The following NKAIN3 variants were observed in gnomAD, a reference collection of about 807,000 sequenced individuals.
The protein encoded by NKAIN3 is sodium/potassium transporting ATPase interacting 3, also known as sodium/potassium-transporting ATPase subunit beta-1-interacting protein 3.
NKAIN3 carries 25 observed loss-of-function variants against 30.2 expected under a neutral mutation model. The ratio of observed to expected loss-of-function variants is 0.83; its 90% CI spans 0.60 to 1.16. NKAIN3 has a LOEUF of 1.16. Ranked by LOEUF, NKAIN3 falls within the 50% of genes most tolerant of loss-of-function variation. The probability of loss-of-function intolerance (pLI) is 0.00; values close to 1 mark genes in which losing one functional copy is unlikely to be tolerated. For synonymous variants in NKAIN3, 91 were observed against 89.6 expected (o/e 1.02, Z -0.09); for missense variants, 225 against 254.1 (o/e 0.89, Z 0.78).
At chr8:62,454,190 T>G (rs1180739327) in intron 1 of NKAIN3, among the ~76,000 whole-genome samples, 3 of 151,034 alleles carry the variant, frequency 2.0e-5, no homozygotes, top group Non-Finnish European at 4.4e-5. Context: ...CTACTTCAAT[T>G]TATATATTAA....
chr8:62,357,820 G>A (rs530900064), intron 1 of NKAIN3, among the ~76,000 whole-genome samples: 88 of 152,254 alleles, frequency 5.8e-4, no homozygotes, highest in African/African-American at 2.1e-3. Context: ...AAATTGAGGT[G>A]TAGTCTACAC....
intron 1 of NKAIN3, among the ~76,000 whole-genome samples, chr8:62,386,462 C>T (rs58140438): frequency 0.14 from 21,278 of 152,048 alleles, 1,742 homozygotes; most frequent in East Asian, 0.4. Context: ...CATGACTCTT[C>T]CCTATAGGAA....
At chr8:62,561,745 A>G (rs566151790) in intron 1 of NKAIN3, among the ~76,000 whole-genome samples, 3 of 152,312 alleles carry the variant, frequency 2.0e-5, no homozygotes, top group Admixed American at 6.5e-5. Flanking sequence ...ATGATGGGCA[A>G]ATACTAACAC....
chr8:62,465,164 C>G (rs972557568), intron 1 of NKAIN3, among the ~76,000 whole-genome samples: 3 of 152,120 alleles, frequency 2.0e-5, no homozygotes, highest in Non-Finnish European at 4.4e-5. Flanking sequence ...ATCCAGAATT[C>G]TAAGTTTACA....
intron 4 of NKAIN3, among the ~76,000 whole-genome samples, chr8:62,849,611 C>T (rs1187416242): frequency 7.2e-6 from 1 of 138,144 alleles, no homozygotes; most frequent in Non-Finnish European, 1.6e-5. Context: ...CCCCCCCACC[C>T]ACCCCACAAC....
intron 3 of NKAIN3, among the ~76,000 whole-genome samples, chr8:62,721,972 G>C (rs570538786): frequency 6.6e-6 from 1 of 152,294 alleles, no homozygotes; most frequent in South Asian, 2.1e-4. Flanking sequence ...TTCATGGCTA[G>C]AGACAGGTCT....
At chr8:62,589,824 T>C (rs747172665) in intron 3 of NKAIN3, 30 bp downstream of exon 3, 33 of 1,153,976 alleles carry the variant, frequency 2.9e-5, no homozygotes, top group Non-Finnish European at 3.9e-5. Context: ...AAAGTACACT[T>C]TAAAATGAGT....
At chr8:62,419,138 T>C (rs1219947468) in intron 1 of NKAIN3, among the ~76,000 whole-genome samples, 3 of 152,130 alleles carry the variant, frequency 2.0e-5, no homozygotes, top group African/African-American at 7.2e-5. Flanking sequence ...ATTCAGTGCA[T>C]GCACTGCATT....
intron 6 of NKAIN3, among the ~76,000 whole-genome samples, chr8:62,961,201 A>C (rs1255925031): frequency 6.6e-6 from 1 of 152,120 alleles, no homozygotes; most frequent in African/African-American, 2.4e-5. Flanking sequence ...GAACCACTTG[A>C]ACCCGGAGGC....
At chr8:62,778,127 C>T (rs1006403811) in intron 4 of NKAIN3, among the ~76,000 whole-genome samples, 15 of 152,092 alleles carry the variant, frequency 9.9e-5, no homozygotes, top group South Asian at 4.1e-4. Context: ...GCCATTACCA[C>T]GGAGACTGTG....
At chr8:62,527,496 A>G (rs1024316192) in intron 1 of NKAIN3, among the ~76,000 whole-genome samples, 1 of 152,178 alleles carries the variant, frequency 6.6e-6, no homozygotes, top group African/African-American at 2.4e-5. Flanking sequence ...ACAGCAAGGT[A>G]ACTTTTTTAA....
chr8:62,876,759 A>T (rs1316770881), intron 4 of NKAIN3, among the ~76,000 whole-genome samples: 1 of 152,120 alleles, frequency 6.6e-6, no homozygotes, highest in Non-Finnish European at 1.5e-5. Flanking sequence ...TGTGAGTTGA[A>T]CATTGAGAAC....
intron 1 of NKAIN3, among the ~76,000 whole-genome samples, chr8:62,252,471 A>G (rs1228952328): frequency 1.3e-5 from 2 of 152,140 alleles, no homozygotes; most frequent in Admixed American, 6.5e-5. Flanking sequence ...GTATCTGTGG[A>G]TGAGTTTCGG....
At position 62,967,870 on chromosome 8, in the gene NKAIN3, G is replaced by A. The variant is rs565636359; in HGVS notation, c.*2463G>A. ...AATTTTGTTTCTATTTTATCTTCAC[G>A]TGAATTTGTACATAGTTCTAGTAGG... On this transcript the variant is annotated 3_prime_UTR_variant, in exon 7 of 7. Transcript: ENST00000623646. Among the ~76,000 whole-genome samples, 4 of 152,172 alleles carry A rather than the reference G, an allele frequency of 2.6e-5. No individual in the cohort carries two copies. In the South Asian group the frequency reaches 6.2e-4, roughly 24 times the overall value.
At chr8:62,405,843 A>C (rs900753843) in intron 1 of NKAIN3, among the ~76,000 whole-genome samples, 1 of 152,200 alleles carries the variant, frequency 6.6e-6, no homozygotes, top group African/African-American at 2.4e-5. Context: ...CTGCCTCGAC[A>C]TTCAAGTGTT....
At chr8:62,985,284 T>C (rs1333250417), downstream of NKAIN3, among the ~76,000 whole-genome samples, 4 of 152,198 alleles carry the variant, frequency 2.6e-5, no homozygotes, top group African/African-American at 4.8e-5. Context: ...ACAAGCAAAG[T>C]TGAAACAAAC....
intron 3 of NKAIN3, among the ~76,000 whole-genome samples, chr8:62,610,717 C>T (rs765865602): frequency 6.6e-5 from 10 of 152,230 alleles, no homozygotes; most frequent in South Asian, 4.1e-4. Context: ...TTCCCTATAA[C>T]GTCACACTGC....
At chr8:62,301,704 T>C (rs1045623999) in intron 1 of NKAIN3, among the ~76,000 whole-genome samples, 1 of 152,058 alleles carries the variant, frequency 6.6e-6, no homozygotes, top group Non-Finnish European at 1.5e-5. Context: ...ATTTTGTAGG[T>C]TTGGTACACA....
chr8:62,504,548 C>G (rs556472553), intron 1 of NKAIN3, among the ~76,000 whole-genome samples: 13 of 152,086 alleles, frequency 8.5e-5, no homozygotes, highest in Non-Finnish European at 7.4e-5. Flanking sequence ...AGAGTCCACC[C>G]TTAGCTGTCT....
Sources: gnomAD v4.1 joint callset for allele counts (sites outside exome capture counted in the v4.1 genomes callset) on GRCh38, gnomAD v4.1.1 for gene constraint, MANE v1.5 for transcripts, NCBI Gene and HGNC (gene_info 2026-07-23, HGNC 2026-07-21) for gene names.